The following NRXN1 variants were observed in gnomAD, a reference collection of about 807,000 sequenced individuals.
NRXN1 encodes the protein neurexin-1.
A neutral mutation model predicts 150.9 loss-of-function variants in NRXN1; 39 were observed. The ratio of observed to expected loss-of-function variants is 0.26; its 90% CI spans 0.20 to 0.34. The LOEUF (loss-of-function observed/expected upper bound fraction) is 0.34. NRXN1 is among the 10% of genes least tolerant of loss of function. The pLI is 1.00. For synonymous variants in NRXN1, 924 were observed against 757.0 expected (o/e 1.22, Z -3.62); for missense variants, 1,815 against 1,949.9 (o/e 0.93, Z 1.30).
At chr2:50,705,934 G>A (rs1342584936) in intron 5 of NRXN1, among the ~76,000 whole-genome samples, 1 of 152,200 alleles carries the variant, frequency 6.6e-6, no homozygotes, top group East Asian at 1.9e-4. Context: ...AGATAAAGGA[G>A]TCAGTAAGTA....
At chr2:50,009,848 A>G (rs1685367847) in intron 21 of NRXN1, among the ~76,000 whole-genome samples, 1 of 152,116 alleles carries the variant, frequency 6.6e-6, no homozygotes, top group South Asian at 2.1e-4. Flanking sequence ...TTATAATTAC[A>G]TTTGCATAAC....
chr2:50,819,938 C>T (rs556226117), intron 5 of NRXN1, among the ~76,000 whole-genome samples: 1 of 152,168 alleles, frequency 6.6e-6, no homozygotes, highest in Admixed American at 6.5e-5. Context: ...CCTGACTTGT[C>T]CTGGTACGCA....
At chr2:50,061,161 A>C (rs954068271) in intron 19 of NRXN1, among the ~76,000 whole-genome samples, 1 of 152,208 alleles carries the variant, frequency 6.6e-6, no homozygotes, top group Non-Finnish European at 1.5e-5. Flanking sequence ...TTACAAATTC[A>C]TGGTGATATT....
intron 5 of NRXN1, among the ~76,000 whole-genome samples, chr2:50,753,239 G>A (rs1700805173): frequency 6.6e-6 from 1 of 151,824 alleles, no homozygotes; most frequent in Non-Finnish European, 1.5e-5. Flanking sequence ...TATAATTGTA[G>A]AATGAAAATA....
At chr2:50,885,820 A>AACACACACACACACACACACACAC (rs57614861) in intron 5 of NRXN1, among the ~76,000 whole-genome samples, 3 of 143,752 alleles carry the variant, frequency 2.1e-5, no homozygotes, top group African/African-American at 5.1e-5. Context: ...TATTTCTATA[A>AACACACACACACACACACACACAC]ACACACACAC....
chr2:50,129,878 A>G (rs920050505), intron 18 of NRXN1, among the ~76,000 whole-genome samples: 1 of 152,224 alleles, frequency 6.6e-6, no homozygotes, highest in African/African-American at 2.4e-5. Flanking sequence ...ATTGACTCCA[A>G]AACAAATCAA....
intron 17 of NRXN1, among the ~76,000 whole-genome samples, chr2:50,320,309 T>C (rs1377213155): frequency 1.2e-4 from 15 of 124,046 alleles, no homozygotes; most frequent in African/African-American, 4.5e-4. Flanking sequence ...TATATATATA[T>C]ATATATATAT....
intron 17 of NRXN1, among the ~76,000 whole-genome samples, chr2:50,349,363 G>A (rs1438915932): frequency 6.6e-6 from 1 of 152,032 alleles, no homozygotes; most frequent in Non-Finnish European, 1.5e-5. Context: ...TTGTTATTTT[G>A]CAACATATGT....
intron 5 of NRXN1, among the ~76,000 whole-genome samples, chr2:50,873,266 G>A (rs141466517): frequency 4.0e-5 from 6 of 151,800 alleles, no homozygotes; most frequent in East Asian, 2.0e-4. Context: ...CTATATAAAC[G>A]GTTGTTAAAT....
intron 2 of NRXN1, among the ~76,000 whole-genome samples, chr2:51,000,762 C>T (rs1421058938): frequency 3.3e-5 from 5 of 150,828 alleles, no homozygotes; most frequent in South Asian, 2.1e-4. Context: ...ACCTTAATTC[C>T]GTAAATTAAT....
intron 2 of NRXN1, among the ~76,000 whole-genome samples, chr2:51,016,517 T>C (rs541476882): frequency 1.3e-5 from 2 of 152,320 alleles, no homozygotes; most frequent in Admixed American, 1.3e-4. Context: ...TCATCATCAC[T>C]GGTCATTAGA....
chr2:50,814,692 AAAATGTAAAATAATT>A (rs778878303), intron 5 of NRXN1, among the ~76,000 whole-genome samples: 13 of 152,168 alleles, frequency 8.5e-5, no homozygotes, highest in Non-Finnish European at 1.5e-4. Flanking sequence ...ATCTCACTTA[AAAATGTAAAATAATT>A]AAATCCCCCC....
At chr2:50,436,737 C>T (rs2085482161) in intron 17 of NRXN1, among the ~76,000 whole-genome samples, 1 of 152,072 alleles carries the variant, frequency 6.6e-6, no homozygotes, top group South Asian at 2.1e-4. Context: ...CATATTTTGG[C>T]TAGAAGGGAT....
At chr2:50,113,372 C>G (rs1412681104) in intron 18 of NRXN1, among the ~76,000 whole-genome samples, 1 of 152,120 alleles carries the variant, frequency 6.6e-6, no homozygotes, top group Non-Finnish European at 1.5e-5. Flanking sequence ...GTCAAATTGA[C>G]CTCTGGCTAC....
At position 51,028,530 on chromosome 2, in the gene NRXN1, C is replaced by T. The variant is rs1434659592; in HGVS notation, c.-257G>A. 3 of 390,280 alleles carry T rather than the reference C, an allele frequency of 7.7e-6. No homozygotes were observed. The highest frequency in any genetic ancestry group is 1.4e-5 in the Non-Finnish European group (3 of 220,136). The allele number at this position is 390,280 out of a possible 1,614,324, so 24.2% of individuals were successfully genotyped here. On this transcript the variant is annotated 5_prime_UTR_variant, in exon 2 of 23. Transcript: ENST00000401669. ...ACAGGGTAGCCACAGAACTTCCAGA[C>T]CAAAGGGAGGATGCACTTTGGAGAC...
At chr2:50,440,160 T>A (rs1362239533) in intron 17 of NRXN1, among the ~76,000 whole-genome samples, 4 of 151,980 alleles carry the variant, frequency 2.6e-5, no homozygotes, top group African/African-American at 9.7e-5. Context: ...ATATGAGCAA[T>A]GACAGCAAGG....
rs576720169 is a variant in NRXN1 at position 50,771,022 on chromosome 2, T to C, written c.833-147407A>G. 6.0e-4 allele frequency among the ~76,000 whole-genome samples: 91 copies of C among 152,238 alleles called. 2 individuals are homozygous for C. Among genetic ancestry groups the C allele is most frequent in the African/African-American group, 2.1e-3 (89 of 41,564 alleles). ...TATTTCAGGCCTAGCACACAGTGGATACTCCCAAATCTCTGCTGAACTGAA... is the reference window on the plus strand; with the variant it reads ...TATTTCAGGCCTAGCACACAGTGGACACTCCCAAATCTCTGCTGAACTGAA... On this transcript the variant is annotated intron_variant, in intron 5 of 22. Coordinates refer to ENST00000401669, the MANE Select transcript of NRXN1 (RefSeq NM_001330078.2).
chr2:50,687,574 C>A (rs1229311556), intron 5 of NRXN1, among the ~76,000 whole-genome samples: 1 of 152,240 alleles, frequency 6.6e-6, no homozygotes, highest in Admixed American at 6.5e-5. Flanking sequence ...ACCAGATAAC[C>A]AAGTTTATTA....
chr2:50,953,806 C>G (rs1167185959), intron 2 of NRXN1, among the ~76,000 whole-genome samples: 4 of 152,114 alleles, frequency 2.6e-5, no homozygotes, highest in Non-Finnish European at 5.9e-5. Flanking sequence ...GGTGATCCAC[C>G]TGCCTCGGTC....
Sources: allele counts gnomAD v4.1 joint callset (sites outside exome capture counted in the v4.1 genomes callset), GRCh38; gene constraint gnomAD v4.1.1; transcripts MANE v1.5; gene names NCBI Gene and HGNC (gene_info 2026-07-23, HGNC 2026-07-21).